The following GINM1 variants were observed in gnomAD, a reference collection of about 807,000 sequenced individuals.
GINM1 encodes the protein glycoprotein integral membrane protein 1.
In GINM1, 29 loss-of-function variants were observed where a neutral mutation model predicts 37.8. The observed-to-expected ratio is 0.77, with a 90% confidence interval of 0.57 to 1.05. The LOEUF (loss-of-function observed/expected upper bound fraction) is 1.05, where lower values mean the gene tolerates loss of function less well. Ranked by LOEUF, GINM1 falls within the 50% of genes least tolerant of loss-of-function variation. The pLI, the probability that GINM1 is intolerant of heterozygous loss-of-function variation, is 0.00. For synonymous variants in GINM1, 143 were observed against 146.2 expected (o/e 0.98, Z 0.16); for missense variants, 377 against 397.9 (o/e 0.95, Z 0.45).
At chr6:149,572,950 GC>G (rs1311579412) in intron 3 of GINM1, among the ~76,000 whole-genome samples, 1 of 152,190 alleles carries the variant, frequency 6.6e-6, no homozygotes, top group Non-Finnish European at 1.5e-5. Context: ...ACAGATGTGA[GC>G]CCCTGTGCCT....
intron 1 of GINM1, among the ~76,000 whole-genome samples, chr6:149,569,169 G>A (rs965461453): frequency 6.6e-6 from 1 of 151,940 alleles, no homozygotes; most frequent in East Asian, 1.9e-4. Flanking sequence ...AAGTAGCTGG[G>A]ATTACAGGCT....
chr6:149,590,768 C>A lies in GINM1; in HGVS notation c.923C>A (p.Thr308Lys). The change falls in exon 8 of 8, where the codon ACA becomes AAA. Residue 308 changes from threonine (T) to lysine (K), a missense_variant. Coordinates refer to ENST00000367419, the MANE Select transcript of GINM1 (RefSeq NM_138785.5). The stretch of plus-strand genomic sequence containing the variant: ...GATAAAGTGGACGTCATACCTGTGA[C>A]AGCTATCAACTTATATCCAGATGGT... ...QLDKVDVIPV[T>K]AINLYPDGPE... 6.2e-7 allele frequency: 1 copy of A among 1,603,032 alleles called. No homozygotes were observed. Among genetic ancestry groups the A allele is most frequent in the Non-Finnish European group, 8.5e-7 (1 of 1,170,380 alleles).
At chr6:149,581,644 A>G (rs377537285) in intron 6 of GINM1, among the ~76,000 whole-genome samples, 3 of 152,312 alleles carry the variant, frequency 2.0e-5, no homozygotes, top group African/African-American at 7.2e-5. Flanking sequence ...GGCACCTACT[A>G]ATTTCTCAGA....
rs765361828 is a variant in GINM1 at position 149,580,557 on chromosome 6, C to T, written c.587-36C>T. On this transcript the variant is annotated intron_variant, in intron 5 of 7. Coordinates refer to ENST00000367419, the MANE Select transcript of GINM1 (RefSeq NM_138785.5). ...TCTTAGGACTAGTAGGATAAGACAC[C>T]AGCATTTTGGTAACGTTGCTCTTTC... 4.0e-5 allele frequency: 63 copies of T among 1,585,028 alleles called. No homozygotes were observed. In the African/African-American group the frequency reaches 8.3e-4, roughly 21 times the overall value.
At chr6:149,572,633 GCT>G (rs778819971) in intron 3 of GINM1, 30 bp downstream of exon 3, 2 of 1,226,044 alleles carry the variant, frequency 1.6e-6, no homozygotes, top group East Asian at 2.3e-5. Context: ...TTCCATAATT[GCT>G]CTGTTTTTTG....
At chr6:149,590,624 C>A (rs982312001) in intron 7 of GINM1, 103 bp from the exon 8 acceptor site, 1 of 622,992 alleles carries the variant, frequency 1.6e-6, no homozygotes, top group Non-Finnish European at 2.8e-6. Flanking sequence ...AAGCACCTAA[C>A]CTTAGGTGTA....
chr6:149,580,209 A>G (rs904685135), intron 5 of GINM1, among the ~76,000 whole-genome samples: 1 of 152,210 alleles, frequency 6.6e-6, no homozygotes, highest in Non-Finnish European at 1.5e-5. Context: ...TATTTGGAGC[A>G]TTAGTAGAAT....
intron 5 of GINM1, among the ~76,000 whole-genome samples, chr6:149,580,191 T>C (rs943672619): frequency 6.6e-6 from 1 of 152,260 alleles, no homozygotes; most frequent in Non-Finnish European, 1.5e-5. Context: ...TTAAGGACTT[T>C]AGGACTCTAT....
chr6:149,581,159 A>G (rs914815980), intron 6 of GINM1, among the ~76,000 whole-genome samples: 2 of 151,972 alleles, frequency 1.3e-5, no homozygotes, highest in African/African-American at 2.4e-5. Flanking sequence ...TGTGATCTTG[A>G]ACAAATTTTT....
chr6:149,580,506 T>C (rs1777983712), intron 5 of GINM1, 87 bp from the exon 6 acceptor site: 7 of 1,178,774 alleles, frequency 5.9e-6, no homozygotes, highest in Non-Finnish European at 8.4e-6. Context: ...GTGTTCTTAC[T>C]ATCCTAAATG....
At chr6:149,574,797 G>A (rs1777890079) in intron 3 of GINM1, among the ~76,000 whole-genome samples, 1 of 152,182 alleles carries the variant, frequency 6.6e-6, no homozygotes, top group African/African-American at 2.4e-5. Context: ...GAGCTCAGGA[G>A]ATAGAGGCTG....
intron 7 of GINM1, among the ~76,000 whole-genome samples, chr6:149,589,861 C>T (rs544266928): frequency 4.6e-5 from 7 of 152,142 alleles, no homozygotes; most frequent in Non-Finnish European, 7.4e-5. Context: ...TGCAGTGGCA[C>T]GATCTCGGCT....
intron 1 of GINM1, among the ~76,000 whole-genome samples, chr6:149,571,639 G>A (rs543205731): frequency 5.9e-5 from 9 of 152,164 alleles, no homozygotes; most frequent in African/African-American, 2.2e-4. Context: ...GGGGGATAGA[G>A]GGCAATCATG....
intron 7 of GINM1, among the ~76,000 whole-genome samples, chr6:149,586,892 C>A (rs1395670159): frequency 6.6e-6 from 1 of 151,740 alleles, no homozygotes; most frequent in Non-Finnish European, 1.5e-5. Flanking sequence ...TCAAGTGATC[C>A]TCTCACCTCA....
intron 7 of GINM1, among the ~76,000 whole-genome samples, chr6:149,587,154 A>C (rs940183159): frequency 2.0e-5 from 3 of 152,178 alleles, no homozygotes; most frequent in African/African-American, 7.2e-5. Context: ...CATAGTTCTA[A>C]AGGAGATAGG....
intron 3 of GINM1, among the ~76,000 whole-genome samples, chr6:149,574,647 T>G (rs1777887191): frequency 6.6e-6 from 1 of 152,164 alleles, no homozygotes; most frequent in Non-Finnish European, 1.5e-5. Flanking sequence ...CCCAGCCCTT[T>G]GGGAGGCCAA....
chr6:149,572,447 TGAA>T, intron 2 of GINM1, 57 bp from the exon 3 acceptor site: 2 of 1,291,914 alleles, frequency 1.5e-6, no homozygotes, highest in Admixed American at 2.1e-5. Flanking sequence ...TTTTTTGACT[TGAA>T]GAGTTTGCTA....
chr6:149,579,733 CAT>C (rs921193088), intron 4 of GINM1, 99 bp from the exon 5 acceptor site: 2 of 637,166 alleles, frequency 3.1e-6, no homozygotes, highest in East Asian at 3.0e-5. Flanking sequence ...GAATAGGACA[CAT>C]GTTTTAGTTA....
intron 1 of GINM1, among the ~76,000 whole-genome samples, chr6:149,569,159 A>C (rs1179397903): frequency 1.3e-5 from 2 of 151,706 alleles, no homozygotes; most frequent in African/African-American, 4.8e-5. Context: ...TCAGCTTCCC[A>C]AGTAGCTGGG....
Sources: allele counts gnomAD v4.1 joint callset (sites outside exome capture counted in the v4.1 genomes callset), GRCh38; gene constraint gnomAD v4.1.1; transcripts MANE v1.5; gene names NCBI Gene and HGNC (gene_info 2026-07-23, HGNC 2026-07-21).